The following FAM168B variants were observed in gnomAD, a reference collection of about 807,000 sequenced individuals.
The protein encoded by FAM168B is myelin-associated neurite-outgrowth inhibitor.
In FAM168B, 19 loss-of-function variants were observed where a neutral mutation model predicts 21.8. The observed-to-expected ratio is 0.87, with a 90% CI of 0.61 to 1.28. FAM168B has a LOEUF of 1.28. FAM168B is among the 50% of genes most tolerant of loss of function. The pLI, the probability that FAM168B is intolerant of heterozygous loss-of-function variation, is 0.00. For missense variants in FAM168B, 233 were observed against 263.1 expected, an observed-to-expected ratio of 0.89 and a Z score of 0.79; for synonymous variants, 126 against 104.8, an observed-to-expected ratio of 1.20 and a Z score of -1.24.
At chr2:131,075,717 A>T (rs1693118377) in intron 2 of FAM168B, among the ~76,000 whole-genome samples, 1 of 151,910 alleles carries the variant, frequency 6.6e-6, no homozygotes, top group Non-Finnish European at 1.5e-5. Flanking sequence ...CTCGATCTAC[A>T]TACCTCGTGA....
chr2:131,088,211 A>AC (rs1411200228), intron 1 of FAM168B, among the ~76,000 whole-genome samples: 1 of 151,974 alleles, frequency 6.6e-6, no homozygotes, highest in East Asian at 1.9e-4. Context: ...GCACCACTGC[A>AC]CTCCAGATGG....
At chr2:131,076,686 C>CA (rs1693169659) in intron 2 of FAM168B, among the ~76,000 whole-genome samples, 1 of 148,562 alleles carries the variant, frequency 6.7e-6, no homozygotes, top group Non-Finnish European at 1.5e-5. Flanking sequence ...GATCACCTTA[C>CA]AAAAGTAAAA....
chr2:131,066,767 G>C (rs1243755475), intron 3 of FAM168B, among the ~76,000 whole-genome samples: 1 of 152,162 alleles, frequency 6.6e-6, no homozygotes, highest in East Asian at 1.9e-4. Flanking sequence ...CTTTCCCAGG[G>C]AGTGACACAG....
chr2:131,053,192 T>C (rs1691803015), intron 5 of FAM168B, among the ~76,000 whole-genome samples, 177 bp from the exon 6 acceptor site: 2 of 152,184 alleles, frequency 1.3e-5, no homozygotes, highest in Admixed American at 1.3e-4. Flanking sequence ...AAAAGTTGTC[T>C]CCACACAGCA....
chr2:131,066,081 A>G (rs991375614), intron 3 of FAM168B, among the ~76,000 whole-genome samples: 3 of 151,754 alleles, frequency 2.0e-5, no homozygotes, highest in African/African-American at 7.3e-5. Flanking sequence ...AGTTTCTCCA[A>G]TTTACCCTCC....
At chr2:131,076,421 G>C (rs895019349) in intron 2 of FAM168B, among the ~76,000 whole-genome samples, 5 of 152,052 alleles carry the variant, frequency 3.3e-5, no homozygotes, top group Admixed American at 2.0e-4. Context: ...CAGCACTTTG[G>C]GAGGCCGAGG....
intron 2 of FAM168B, among the ~76,000 whole-genome samples, chr2:131,073,004 A>G (rs1692949910): frequency 6.6e-6 from 1 of 152,186 alleles, no homozygotes; most frequent in African/African-American, 2.4e-5. Flanking sequence ...CATTTCCTAC[A>G]TTACATATTT....
chr2:131,070,444 G>C (rs959508760), intron 3 of FAM168B, among the ~76,000 whole-genome samples: 2 of 152,176 alleles, frequency 1.3e-5, no homozygotes, highest in Non-Finnish European at 2.9e-5. Flanking sequence ...AAACACTGCT[G>C]GTAGGAATGT....
intron 2 of FAM168B, among the ~76,000 whole-genome samples, chr2:131,072,745 C>A (rs1692939045): frequency 6.6e-6 from 1 of 152,202 alleles, no homozygotes; most frequent in African/African-American, 2.4e-5. Context: ...GCATAAGCCA[C>A]CGCGCCAAGC....
intron 5 of FAM168B, among the ~76,000 whole-genome samples, chr2:131,053,809 A>C (rs763928093): frequency 3.5e-4 from 54 of 152,226 alleles, no homozygotes; most frequent in Admixed American, 7.2e-4. Flanking sequence ...CATGAGTTCC[A>C]GACTACAGTG....
At chr2:131,086,580 G>C (rs1048951095) in intron 1 of FAM168B, among the ~76,000 whole-genome samples, 1 of 152,078 alleles carries the variant, frequency 6.6e-6, no homozygotes, top group Non-Finnish European at 1.5e-5. Flanking sequence ...CTAGACAATG[G>C]AGCAAGACCC....
chr2:131,083,264 G>C (rs1314282562), intron 1 of FAM168B, among the ~76,000 whole-genome samples: 1 of 152,254 alleles, frequency 6.6e-6, no homozygotes, highest in Non-Finnish European at 1.5e-5. Flanking sequence ...TAAGGCAGGA[G>C]AATCGCTTGA....
At chr2:131,065,164 G>T (rs1256597774) in intron 3 of FAM168B, among the ~76,000 whole-genome samples, 1 of 152,188 alleles carries the variant, frequency 6.6e-6, no homozygotes, top group Non-Finnish European at 1.5e-5. Context: ...GCAGGGAACA[G>T]CAGAAACATG....
chr2:131,059,631 T>G, intron 3 of FAM168B, among the ~76,000 whole-genome samples: 1 of 152,290 alleles, frequency 6.6e-6, no homozygotes, highest in Non-Finnish European at 1.5e-5. Flanking sequence ...GTGTGTCACA[T>G]CCTGAGAACA....
At chr2:131,056,812 C>T (rs1294152600) in intron 3 of FAM168B, among the ~76,000 whole-genome samples, 1 of 152,116 alleles carries the variant, frequency 6.6e-6, no homozygotes, top group African/African-American at 2.4e-5. Context: ...TCAAAGGAGC[C>T]AGATACAAGG....
chr2:131,082,575 A>T lies in FAM168B; in HGVS notation c.70+2T>A. ...AATGAAAACAAAATTTTACTTACTT[A>T]CCTGGATAACCAATTCCTTTGGCAT... On this transcript the variant is annotated splice_donor_variant, in intron 2 of 6. Transcript: ENST00000389915. LOFTEE classifies it high-confidence loss of function. The T allele has an allele frequency of 6.3e-7, 1 of 1,599,368 alleles. No homozygotes were observed. The highest frequency in any genetic ancestry group is 8.5e-7 in the Non-Finnish European group (1 of 1,172,092).
chr2:131,077,577 G>A (rs962599427), intron 2 of FAM168B, among the ~76,000 whole-genome samples: 1 of 152,198 alleles, frequency 6.6e-6, no homozygotes, highest in African/African-American at 2.4e-5. Context: ...ACCATTTGTG[G>A]AACAAAGGAG....
Position 131,071,904 on chromosome 2 carries a change from A to G in FAM168B, c.105T>C (p.Pro35=). The change falls in exon 3 of 7, where the codon CCT becomes CCC. Residue 35 remains proline (P), a synonymous_variant. Transcript: ENST00000389915. Reference sequence around the variant, plus strand: ...CAGGATACATGTTAGGAGAATAGGCAGGAGCTGCTGCTGCATAGCCCATGG... The same window carrying G: ...CAGGATACATGTTAGGAGAATAGGCGGGAGCTGCTGCTGCATAGCCCATGG... ...GFPMGYAAAA[P]AYSPNMYPGA... The G allele has an allele frequency of 6.2e-7, 1 of 1,614,136 alleles. No homozygotes were observed.
Position 131,048,346 on chromosome 2 carries a change from G to C in FAM168B, c.*4119C>G. 1 of 1,301,378 alleles carries C rather than the reference G, an allele frequency of 7.7e-7. No individual in the cohort carries two copies. The highest frequency in any genetic ancestry group is 1.0e-6 in the Non-Finnish European group (1 of 986,802). The allele number at this position is 1,301,378 out of a possible 1,614,324, so 80.6% of individuals were successfully genotyped here. On this transcript the variant is annotated 3_prime_UTR_variant, in exon 7 of 7. Coordinates refer to ENST00000389915, the MANE Select transcript of FAM168B (RefSeq NM_001009993.4). ...GCACAGGGACTCATGGGCACAGCCT[G>C]TGGTGAGGAGGAGACACCTGTCATG...
Sources: allele counts gnomAD v4.1 joint callset (sites outside exome capture counted in the v4.1 genomes callset), GRCh38; gene constraint gnomAD v4.1.1; transcripts MANE v1.5; gene names NCBI Gene and HGNC (gene_info 2026-07-23, HGNC 2026-07-21).